The following CNOT10 variants were observed in gnomAD, a reference collection of about 807,000 sequenced individuals.
CNOT10 encodes the protein CCR4-NOT transcription complex subunit 10.
A neutral mutation model predicts 94.6 loss-of-function variants in CNOT10; 30 were observed. The observed-to-expected ratio is 0.32, with a 90% confidence interval of 0.24 to 0.43. The LOEUF (loss-of-function observed/expected upper bound fraction) is 0.43, where lower values mean the gene tolerates loss of function less well. Among genes scored for constraint, CNOT10 ranks in the 20% least tolerant of loss-of-function variants. The pLI, the probability that CNOT10 is intolerant of heterozygous loss-of-function variation, is 1.00. For missense variants in CNOT10, 759 were observed against 877.2 expected (o/e 0.87, Z 1.70); for synonymous variants, 289 against 301.6 (o/e 0.96, Z 0.43).
chr3:32,762,494 A>G (rs1427580137), intron 14 of CNOT10, among the ~76,000 whole-genome samples: 4 of 151,554 alleles, frequency 2.6e-5, no homozygotes, highest in Non-Finnish European at 4.4e-5. Flanking sequence ...CTGTTCTCAA[A>G]CTCCTGGACT....
intron 4 of CNOT10, among the ~76,000 whole-genome samples, chr3:32,710,867 C>G (rs575650905): frequency 6.6e-6 from 1 of 152,226 alleles, no homozygotes; most frequent in African/African-American, 2.4e-5. Flanking sequence ...ATTACAGTCA[C>G]GCGCCACCAC....
chr3:32,692,898 T>G (rs1328015072), intron 1 of CNOT10, among the ~76,000 whole-genome samples: 1 of 151,870 alleles, frequency 6.6e-6, no homozygotes, highest in African/African-American at 2.4e-5. Context: ...TGAAAAAACT[T>G]AGTTGGTGTG....
chr3:32,716,099 T>C, intron 5 of CNOT10, 126 bp from the exon 6 acceptor site: 1 of 509,908 alleles, frequency 2.0e-6, no homozygotes, highest in South Asian at 3.9e-5. Flanking sequence ...GAACCACCAT[T>C]TCCCACAAAT....
At chr3:32,749,697 A>G (rs1699873674) in intron 13 of CNOT10, among the ~76,000 whole-genome samples, 1 of 152,160 alleles carries the variant, frequency 6.6e-6, no homozygotes, top group Non-Finnish European at 1.5e-5. Context: ...GGCATGAGCC[A>G]CTGCGGCCTG....
Position 32,685,454 on chromosome 3 carries a change from CG to C in CNOT10, c.-4del. On this transcript the variant is annotated 5_prime_UTR_variant, in exon 1 of 19. Transcript: ENST00000328834. The stretch of plus-strand genomic sequence containing the variant: ...CTGCAGGGAAGAACCCGAGTCGAAG[CG>C]GGAAGATGGCTGCAGACAAGCCTGC... 6.5e-7 allele frequency: 1 copy of C among 1,550,260 alleles called. No homozygotes were observed. Among genetic ancestry groups the C allele is most frequent in the Non-Finnish European group, 8.7e-7 (1 of 1,146,728 alleles).
At chr3:32,744,002 G>C (rs1201593513) in intron 13 of CNOT10, among the ~76,000 whole-genome samples, 2 of 152,120 alleles carry the variant, frequency 1.3e-5, no homozygotes, top group African/African-American at 4.8e-5. Flanking sequence ...CAAGATGGAA[G>C]GAGCCTTAGG....
At position 32,695,968 on chromosome 3, in the gene CNOT10, A is replaced by T. The variant is rs201599119; in HGVS notation, c.23-7900A>T. ...AAATAAAAATAATCCTGTTGAAGAG[A>T]GTGTGTGTGTGTGTGTGTGTGTGTG... On this transcript the variant is annotated intron_variant, in intron 1 of 18. Transcript: ENST00000328834. 8,378 of 432,894 alleles carry T rather than the reference A, an allele frequency of 0.019. 209 individuals are homozygous for T. The highest frequency in any genetic ancestry group is 0.039 in the African/African-American group (1,603 of 41,240). 26.8% of individuals were successfully genotyped at this position (432,894 alleles called of 1,614,324 possible). A position where few individuals can be genotyped will look rare whatever the true frequency, so the allele number is the denominator to read the frequency against.
At chr3:32,685,512 C>T in intron 1 of CNOT10, 30 bp downstream of exon 1, 2 of 1,549,270 alleles carry the variant, frequency 1.3e-6, no homozygotes, top group Non-Finnish European at 8.7e-7. Flanking sequence ...AGCGACGAGA[C>T]GGCGGGACGT....
Position 32,746,175 on chromosome 3 carries a change from C to T in CNOT10, c.1595+8685C>T, listed in dbSNP as rs150004299. 3.9e-4 allele frequency among the ~76,000 whole-genome samples: 60 copies of T among 152,144 alleles called. No homozygotes were observed. In the East Asian group the frequency reaches 7.5e-3, roughly 19 times the overall value. On this transcript the variant is annotated intron_variant, in intron 13 of 18. Coordinates refer to ENST00000328834, the MANE Select transcript of CNOT10 (RefSeq NM_015442.3). ...TTGCTAGAAATCAGAACAGTGGTTG[C>T]GGGAATTGACTGGAAAGAAATATAA...
chr3:32,688,178 T>C (rs1696709971), intron 1 of CNOT10, among the ~76,000 whole-genome samples: 1 of 152,234 alleles, frequency 6.6e-6, no homozygotes, highest in Non-Finnish European at 1.5e-5. Context: ...TGGCCTGTTT[T>C]GCCAGGTACT....
intron 14 of CNOT10, 145 bp downstream of exon 14, chr3:32,759,716 C>T: frequency 1.5e-6 from 1 of 669,336 alleles, no homozygotes; most frequent in Non-Finnish European, 2.6e-6. Context: ...GTTTTTTAAC[C>T]CATGCCTCGG....
intron 10 of CNOT10, among the ~76,000 whole-genome samples, chr3:32,728,561 C>CCAGA (rs1340505652): frequency 6.6e-6 from 1 of 151,836 alleles, no homozygotes; most frequent in Non-Finnish European, 1.5e-5. Flanking sequence ...TGGAGTGAGA[C>CCAGA]CAGATAGAGC....
chr3:32,689,464 C>T (rs1352777582), intron 1 of CNOT10, among the ~76,000 whole-genome samples: 1 of 152,064 alleles, frequency 6.6e-6, no homozygotes, highest in Non-Finnish European at 1.5e-5. Context: ...GACAGAAACC[C>T]TAAGGATAAA....
At chr3:32,690,645 C>A (rs549612450) in intron 1 of CNOT10, among the ~76,000 whole-genome samples, 2 of 151,862 alleles carry the variant, frequency 1.3e-5, no homozygotes, top group Middle Eastern at 6.8e-3. Flanking sequence ...CTCCCGGGTT[C>A]ACACCATTCT....
chr3:32,695,535 G>A, intron 1 of CNOT10: 1 of 1,511,676 alleles, frequency 6.6e-7, no homozygotes, highest in Non-Finnish European at 8.8e-7. Context: ...ATGTGTCTGT[G>A]CTTTCAGTTA....
chr3:32,758,592 A>G (rs905824507), intron 13 of CNOT10, among the ~76,000 whole-genome samples: 1 of 152,144 alleles, frequency 6.6e-6, no homozygotes, highest in African/African-American at 2.4e-5. Flanking sequence ...TGTAAACATA[A>G]CTCAAAACCC....
intron 13 of CNOT10, among the ~76,000 whole-genome samples, chr3:32,754,670 C>T (rs1220859233): frequency 6.8e-6 from 1 of 146,344 alleles, no homozygotes; most frequent in African/African-American, 2.5e-5. Flanking sequence ...CAGGGGCATG[C>T]GCTACCACGC....
intron 8 of CNOT10, among the ~76,000 whole-genome samples, chr3:32,721,060 CTTTTTT>C (rs377750318): frequency 1.0e-5 from 1 of 97,694 alleles, no homozygotes; most frequent in Non-Finnish European, 1.9e-5. Flanking sequence ...TCTTTCCTTT[CTTTTTT>C]TTTTTTTTTT....
intron 4 of CNOT10, among the ~76,000 whole-genome samples, chr3:32,712,599 C>T (rs534247058): frequency 1.2e-4 from 19 of 152,178 alleles, no homozygotes; most frequent in Middle Eastern, 3.4e-3. Context: ...GTAATCCTAT[C>T]CTTTGTGAGG....
Sources: allele counts gnomAD v4.1 joint callset (sites outside exome capture counted in the v4.1 genomes callset), GRCh38; gene constraint gnomAD v4.1.1; transcripts MANE v1.5; gene names NCBI Gene and HGNC (gene_info 2026-07-23, HGNC 2026-07-21).